The following TRIM10 variants were observed in gnomAD, a reference collection of about 807,000 sequenced individuals.
The protein encoded by TRIM10 is tripartite motif containing 10, also known as tripartite motif-containing protein 10.
Under a neutral mutation model 40.0 loss-of-function variants are expected in TRIM10, and 42 were observed. That is an observed-to-expected ratio of 1.05 (90% CI 0.82 to 1.36). TRIM10 has a LOEUF of 1.36. TRIM10 is among the 40% of genes most tolerant of loss of function. The pLI is 0.00. For synonymous variants in TRIM10, 260 were observed against 239.5 expected, an observed-to-expected ratio of 1.09 and a Z score of -0.79; for missense variants, 601 against 608.3, an observed-to-expected ratio of 0.99 and a Z score of 0.13.
Position 30,153,813 on chromosome 6 carries a change from C to G in TRIM10, c.*156G>C, listed in dbSNP as rs748386559. Reference sequence around the variant, plus strand: ...GGACTTGATCAGTAGATTGAGAGTCCTCTCTTCTATCCCTTACCACCCGGC... The same window carrying G: ...GGACTTGATCAGTAGATTGAGAGTCGTCTCTTCTATCCCTTACCACCCGGC... On this transcript the variant is annotated 3_prime_UTR_variant, in exon 7 of 7. Coordinates refer to ENST00000449742, the MANE Select transcript of TRIM10 (RefSeq NM_006778.4). 1 of 1,612,776 alleles carries G rather than the reference C, an allele frequency of 6.2e-7. No individual in the cohort carries two copies. The highest frequency in any genetic ancestry group is 1.1e-5 in the South Asian group (1 of 91,072).
At chr6:30,159,040 G>A (rs1170983087) in intron 2 of TRIM10, 110 bp downstream of exon 2, 1 of 715,964 alleles carries the variant, frequency 1.4e-6, no homozygotes, top group Non-Finnish European at 2.4e-6. Context: ...TCAGAGTCAG[G>A]ATTTAAACTC....
At position 30,154,407 on chromosome 6, in the gene TRIM10, G is replaced by A. The variant is rs2517647; in HGVS notation, c.1008C>T (p.Tyr336=). The A allele has an allele frequency of 5.6e-6, 9 of 1,612,894 alleles. No individual in the cohort carries two copies. Among genetic ancestry groups the A allele is most frequent in the Non-Finnish European group, 7.6e-6 (9 of 1,179,994 alleles). ...GGTTGTCTGGTGAGTTCTGCCATTT[G>A]TAGGAGAACTGAGCTCGCTGGTGGT... ...SEDHQRAQFS[Y]KWQNSPDNPQ... Residue 336 remains tyrosine (Y), a synonymous_variant, in exon 7 of 7, where the codon TAC becomes TAT. Transcript: ENST00000449742.
chr6:30,158,638 GC>G lies in TRIM10; in HGVS notation c.526-10del, dbSNP rs770568149. On this transcript the variant is annotated splice_polypyrimidine_tract_variant and intron_variant, in intron 2 of 6. Transcript: ENST00000449742. The stretch of plus-strand genomic sequence containing the variant: ...TTGGTGGACACCTGAGTCTGAGGGG[GC>G]AGGAGGCAAGCCCAAGAGAAAGTTT... The G allele has an allele frequency of 1.9e-5, 31 of 1,611,278 alleles. No homozygotes were observed. The highest frequency in any genetic ancestry group is 2.6e-5 in the Non-Finnish European group (31 of 1,178,592).
In TRIM10 at chr6:30,153,517, T is replaced by C. The variant is rs1772208840; in HGVS notation, c.*452A>G. ...CACCAGTGGCCACCACACTGCTTGG[T>C]TCATAGTTAACACAAACTAAATGGT... On this transcript the variant is annotated 3_prime_UTR_variant, in exon 7 of 7. Coordinates refer to ENST00000449742, the MANE Select transcript of TRIM10 (RefSeq NM_006778.4). 4 of 658,300 alleles carry C rather than the reference T, an allele frequency of 6.1e-6. No individual in the cohort carries two copies. Among genetic ancestry groups the C allele is most frequent in the Non-Finnish European group, 1.0e-5 (4 of 382,328 alleles). The allele number at this position is 658,300 out of a possible 1,614,324, so 40.8% of individuals were successfully genotyped here.
chr6:30,155,856 CAAG>C lies in TRIM10; in HGVS notation c.896-100_896-98del, dbSNP rs888104321. ...ACTGAGGCCAAGAAGAGGGAAGGGA[CAAG>C]AAGAAGAATGTAAGCTGGAATCCTC... On this transcript the variant is annotated intron_variant, in intron 5 of 6. Transcript: ENST00000449742. The C allele has an allele frequency of 8.5e-6, 10 of 1,182,648 alleles. No individual in the cohort carries two copies. In the African/African-American group the frequency reaches 1.2e-4, roughly 14 times the overall value. The allele number at this position is 1,182,648 out of a possible 1,614,324, so 73.3% of individuals were successfully genotyped here. A position where few individuals can be genotyped will look rare whatever the true frequency, so the allele number is the denominator to read the frequency against.
At chr6:30,155,937 C>T (rs1166393865) in intron 5 of TRIM10, among the ~76,000 whole-genome samples, 178 bp from the exon 6 acceptor site, 1 of 152,192 alleles carries the variant, frequency 6.6e-6, no homozygotes, top group Non-Finnish European at 1.5e-5. Flanking sequence ...CTTGTTAAAA[C>T]ACATCTGTTT....
intron 1 of TRIM10, among the ~76,000 whole-genome samples, chr6:30,159,613 G>T (rs563835687): frequency 1.2e-4 from 18 of 152,254 alleles, no homozygotes; most frequent in African/African-American, 4.3e-4. Context: ...CTGAGTTTCC[G>T]ACTCATCCCA....
chr6:30,159,225 A>G lies in TRIM10; in HGVS notation c.450T>C (p.Leu150=). Residue 150 remains leucine, a synonymous_variant, in exon 2 of 7, where the codon CTT becomes CTC. Coordinates refer to ENST00000449742, the MANE Select transcript of TRIM10 (RefSeq NM_006778.4). ...APYREQIHKC[L]KCLRKEREEI... is the part of the protein sequence containing the mutation. ...CCTCTCTCTCTTTTCTTAGACATTT[A>G]AGACACTTATGGATTTGTTCCTGGG... The G allele has an allele frequency of 6.2e-7, 1 of 1,609,272 alleles. No homozygotes were observed. Among genetic ancestry groups the G allele is most frequent in the Non-Finnish European group, 8.5e-7 (1 of 1,176,668 alleles).
At position 30,153,798 on chromosome 6, in the gene TRIM10, A is replaced by G; in HGVS notation, c.*171T>C. The G allele has an allele frequency of 6.2e-7, 1 of 1,613,032 alleles. No homozygotes were observed. The highest frequency in any genetic ancestry group is 2.2e-5 in the East Asian group (1 of 44,880). ...TGGGCATTGGGGAAAGGACTTGATCAGTAGATTGAGAGTCCTCTCTTCTAT... is the reference window on the plus strand; with the variant it reads ...TGGGCATTGGGGAAAGGACTTGATCGGTAGATTGAGAGTCCTCTCTTCTAT... On this transcript the variant is annotated 3_prime_UTR_variant, in exon 7 of 7. Transcript: ENST00000449742.
chr6:30,159,773 T>TCC (rs1772901982), intron 1 of TRIM10, among the ~76,000 whole-genome samples: 1 of 151,842 alleles, frequency 6.6e-6, no homozygotes, highest in Non-Finnish European at 1.5e-5. Context: ...TAGGAACAGG[T>TCC]ACACACACGA....
chr6:30,160,711 C>A lies in TRIM10; in HGVS notation c.148G>T (p.Asp50Tyr), dbSNP rs773831096. The A allele has an allele frequency of 3.1e-6, 5 of 1,614,238 alleles. No individual in the cohort carries two copies. Among genetic ancestry groups the A allele is most frequent in the Non-Finnish European group, 3.4e-6 (4 of 1,180,040 alleles). The stretch of plus-strand genomic sequence containing the variant: ...GGGCAAGTAGGGGACTCCTCCAGGT[C>A]TGGGCCTGGTATCTCACAGTAGCGG... ...LTRYCEIPGPDLEESPTCPLC... is the reference protein window; with the variant it reads ...LTRYCEIPGPYLEESPTCPLC... The change falls in exon 1 of 7, where the codon GAC becomes TAC. Residue 50 changes from aspartate (D) to tyrosine (Y), a missense_variant. By Grantham distance (160) the Asp-to-Tyr change is radical (BLOSUM62 -3). Transcript: ENST00000449742.
chr6:30,163,625 G>A (rs1773319165), upstream of TRIM10: 1 of 1,528,924 alleles, frequency 6.5e-7, no homozygotes, highest in Non-Finnish European at 8.8e-7. Context: ...TCGATTTCAG[G>A]GAAAGGGAAC....
At chr6:30,162,352 C>G (rs571640204), upstream of TRIM10, among the ~76,000 whole-genome samples, 20 of 151,782 alleles carry the variant, frequency 1.3e-4, no homozygotes, top group Non-Finnish European at 2.8e-4. Context: ...TTTACATATA[C>G]AGCATGCCGC....
chr6:30,155,812 G>T, intron 5 of TRIM10, 53 bp from the exon 6 acceptor site: 3 of 1,561,234 alleles, frequency 1.9e-6, no homozygotes, highest in Non-Finnish European at 2.6e-6. Context: ...AAAACCATCA[G>T]ACACTTAATG....
At position 30,154,330 on chromosome 6, in the gene TRIM10, C is replaced by G. The variant is rs142890374; in HGVS notation, c.1085G>C (p.Gly362Ala). ...TCVLAHTGIT[G>A]GRHTWVVSID... ...ACTCACCACCCACGTGTGTCTCCCC[C>G]CTGTGATGCCAGTGTGGGCCAGAAC... The change falls in exon 7 of 7, where the codon GGG (glycine) becomes GCG (alanine). Residue 362 changes from glycine (G) to alanine (A), a missense_variant. Physicochemically the swap from Gly to Ala is moderately conservative, Grantham distance 60 (BLOSUM62 0). Coordinates refer to ENST00000449742, the MANE Select transcript of TRIM10 (RefSeq NM_006778.4). 87 of 1,613,006 alleles carry G rather than the reference C, an allele frequency of 5.4e-5. No homozygotes were observed. Among genetic ancestry groups the G allele is most frequent in the South Asian group, 1.5e-4 (14 of 91,090 alleles).
rs1287616669 is a variant in TRIM10 at position 30,154,434 on chromosome 6, C to T, written c.981G>A (p.Glu327=). The stretch of plus-strand genomic sequence containing the variant: ...AGGAGAACTGAGCTCGCTGGTGGTC[C>T]TCGGACAAGAGGAGCTTGGGGTGGG... The part of the protein sequence containing the change: ...QTSHPKLLLS[E]DHQRAQFSYK... The change falls in exon 7 of 7, where the codon GAG becomes GAA. Residue 327 remains glutamate, a synonymous_variant. Transcript: ENST00000449742. 6.2e-7 allele frequency: 1 copy of T among 1,612,892 alleles called. No homozygotes were observed. Among genetic ancestry groups the T allele is most frequent in the East Asian group, 2.2e-5 (1 of 44,866 alleles).
chr6:30,159,218 G>A lies in TRIM10; in HGVS notation c.457C>T (p.Leu153=). 1 of 1,609,718 alleles carries A rather than the reference G, an allele frequency of 6.2e-7. No individual in the cohort carries two copies. Among genetic ancestry groups the A allele is most frequent in the Non-Finnish European group, 8.5e-7 (1 of 1,177,184 alleles). Residue 153 remains leucine (L), a synonymous_variant, in exon 2 of 7, where the codon CTA becomes TTA. Transcript: ENST00000449742. Reference sequence around the variant, plus strand: ...TGAATCTCCTCTCTCTCTTTTCTTAGACATTTAAGACACTTATGGATTTGT... The same window carrying A: ...TGAATCTCCTCTCTCTCTTTTCTTAAACATTTAAGACACTTATGGATTTGT... The part of the protein sequence containing the change: ...REQIHKCLKC[L]RKEREEIQEI...
chr6:30,163,340 A>C, upstream of TRIM10: 1 of 334,976 alleles, frequency 3.0e-6, no homozygotes, highest in Non-Finnish European at 5.4e-6. Context: ...TCCCCCTGTG[A>C]CCTCATGGTG....
Position 30,160,672 on chromosome 6 carries a change from G to A in TRIM10, c.187C>T (p.Pro63Ser), listed in dbSNP as rs1326140310. Residue 63 changes from proline (P) to serine (S), a missense_variant, in exon 1 of 7, where the codon CCC becomes TCC. Transcript: ENST00000449742. ...GGCCGGAAGCTCCCAGGACGGAAGG[G>A]TTCTTTGCAGAGTGGGCAAGTAGGG... ...ESPTCPLCKE[P>S]FRPGSFRPNW... The A allele has an allele frequency of 1.9e-6, 3 of 1,614,252 alleles. No individual in the cohort carries two copies. The highest frequency in any genetic ancestry group is 4.5e-5 in the East Asian group (2 of 44,886).
Sources: allele counts gnomAD v4.1 joint callset (sites outside exome capture counted in the v4.1 genomes callset), GRCh38; gene constraint gnomAD v4.1.1; transcripts MANE v1.5; gene names NCBI Gene and HGNC (gene_info 2026-07-23, HGNC 2026-07-21).